Variants in IGF2BP2 observed in about 807,000 individuals in gnomAD.
IGF2BP2 encodes insulin like growth factor 2 mRNA binding protein 2.
Under a neutral mutation model 75.8 loss-of-function variants are expected in IGF2BP2, and 17 were observed. The ratio of observed to expected loss-of-function variants is 0.22; its 90% confidence interval spans 0.15 to 0.34. The LOEUF is 0.34. Among genes scored for constraint, IGF2BP2 ranks in the 10% least tolerant of loss-of-function variants. The pLI is 1.00. For synonymous variants in IGF2BP2, 288 were observed against 295.6 expected (o/e 0.97, Z 0.26); for missense variants, 516 against 772.4 (o/e 0.67, Z 3.93).
At chr3:185,798,795 C>CT (rs1191572296) in intron 2 of IGF2BP2, among the ~76,000 whole-genome samples, 114 of 68,870 alleles carry the variant, frequency 1.7e-3, no homozygotes, top group East Asian at 3.2e-3. Flanking sequence ...TTCTTTTTTT[C>CT]TTTTTTTTTT....
At chr3:185,667,561 C>CA (rs774241717) in intron 10 of IGF2BP2, among the ~76,000 whole-genome samples, 203 of 152,270 alleles carry the variant, frequency 1.3e-3, no homozygotes, top group Middle Eastern at 3.4e-3. Context: ...AGCATGACGT[C>CA]AAAGGTCAGA....
rs74394340 is a variant in IGF2BP2, at chr3:185,658,124, A to G, written c.1269+217T>C. Among the ~76,000 whole-genome samples, 1,465 of 152,290 alleles carry G rather than the reference A, an allele frequency of 9.6e-3. 15 individuals carry two copies. Among genetic ancestry groups the G allele is most frequent in the East Asian group, 0.049 (253 of 5,174 alleles). The stretch of plus-strand genomic sequence containing the variant: ...ACCTGTGAGGTGTGCGAGCATCCAC[A>G]GGTGCAACAGCAACGGCCTAGGCCT... On this transcript the variant is annotated intron_variant, in intron 11 of 15. Coordinates refer to ENST00000382199, the MANE Select transcript of IGF2BP2 (RefSeq NM_006548.6).
chr3:185,787,745 C>A (rs74832921), intron 2 of IGF2BP2, among the ~76,000 whole-genome samples: 1 of 149,060 alleles, frequency 6.7e-6, no homozygotes, highest in Non-Finnish European at 1.5e-5. Flanking sequence ...AAAAAAAAAA[C>A]AGTTTGCACG....
chr3:185,760,082 T>C (rs1396027150), intron 2 of IGF2BP2, among the ~76,000 whole-genome samples: 1 of 152,176 alleles, frequency 6.6e-6, no homozygotes, highest in Admixed American at 6.5e-5. Context: ...TGAAAAGCCA[T>C]TTCCTTATAC....
rs1432054328 is a variant in IGF2BP2, at chr3:185,645,295, T to TG, written c.*235dup. ...GGATGGCTGAAGCCTGCAGAAGCCC[T>TG]GGGGGGCGGGAGGCGGGGCTCGGTG... is the stretch of plus-strand genomic sequence containing the variant. On this transcript the variant is annotated 3_prime_UTR_variant, in exon 16 of 16. Transcript: ENST00000382199. This position sits in a 1 kb window ranked among gnomAD's most constrained non-coding sequence, Gnocchi z 4.9. 78 of 549,742 alleles carry TG rather than the reference T, an allele frequency of 1.4e-4. No individual in the cohort carries two copies. The East Asian group carries it at 2.2e-3, about 16-fold the overall frequency. The allele number at this position is 549,742 out of a possible 1,614,324, so 34.1% of individuals were successfully genotyped here.
At chr3:185,779,125 G>C (rs752604092) in intron 2 of IGF2BP2, among the ~76,000 whole-genome samples, 6 of 148,160 alleles carry the variant, frequency 4.0e-5, no homozygotes, top group Non-Finnish European at 1.5e-5. Context: ...AAAATACTTT[G>C]ATATGCTAAA....
intron 2 of IGF2BP2, among the ~76,000 whole-genome samples, chr3:185,758,374 G>A (rs1731913054): frequency 1.3e-5 from 2 of 152,182 alleles, no homozygotes; most frequent in Non-Finnish European, 2.9e-5. Context: ...GAAAACCTGG[G>A]TCTGACTGCT....
chr3:185,769,986 T>C lies in IGF2BP2; in HGVS notation c.239+53167A>G, dbSNP rs1392911516. Among the ~76,000 whole-genome samples the C allele has an allele frequency of 2.6e-5, 4 of 152,280 alleles. No homozygotes were observed. In the East Asian group the frequency reaches 5.8e-4, roughly 22 times the overall value. On this transcript the variant is annotated intron_variant, in intron 2 of 15. Coordinates refer to ENST00000382199, the MANE Select transcript of IGF2BP2 (RefSeq NM_006548.6). ...TCTCTAAAGAAGTGCCAACTGCCTA[T>C]AGCAGCAGCCACTGTATCCCTCTTC...
intron 2 of IGF2BP2, among the ~76,000 whole-genome samples, chr3:185,750,476 T>C (rs1331666043): frequency 6.6e-6 from 1 of 152,214 alleles, no homozygotes; most frequent in Non-Finnish European, 1.5e-5. Flanking sequence ...AAGACACACC[T>C]GAGTATCTAA....
At chr3:185,677,068 T>TATATAGAGAGAGAGAGAG in intron 7 of IGF2BP2, among the ~76,000 whole-genome samples, 15 of 35,860 alleles carry the variant, frequency 4.2e-4, no homozygotes, top group African/African-American at 1.3e-3. Flanking sequence ...TATATATATA[T>TATATAGAGAGAGAGAGAG]AGAGAGAGAG....
At chr3:185,790,616 GT>G (rs894615733) in intron 2 of IGF2BP2, among the ~76,000 whole-genome samples, 34 of 152,118 alleles carry the variant, frequency 2.2e-4, no homozygotes, top group African/African-American at 8.0e-4. Flanking sequence ...TCCTAAAATT[GT>G]TTTTTCCGTG....
intron 2 of IGF2BP2, among the ~76,000 whole-genome samples, chr3:185,767,263 G>A (rs1042258488): frequency 2.0e-5 from 3 of 152,146 alleles, no homozygotes; most frequent in African/African-American, 7.2e-5. Context: ...ATTCTTTTGT[G>A]CTTAATCTAG....
chr3:185,751,727 G>A (rs1287599895), intron 2 of IGF2BP2, among the ~76,000 whole-genome samples: 2 of 152,074 alleles, frequency 1.3e-5, no homozygotes, highest in Admixed American at 1.3e-4. Context: ...CACTTTGGGA[G>A]GCCGAGACGG....
rs1258159797 is a variant in IGF2BP2, at chr3:185,647,195, G to T, written c.1594-57C>A. 3 of 1,246,056 alleles carry T rather than the reference G, an allele frequency of 2.4e-6. No individual in the cohort carries two copies. The highest frequency in any genetic ancestry group is 3.6e-6 in the Non-Finnish European group (3 of 844,866). The allele number at this position is 1,246,056 out of a possible 1,614,324, so 77.2% of individuals were successfully genotyped here. ...AGGTTCCCTCCCCGTCAACGTGGTG[G>T]GCTCAGGACGGAGTGAGGGGCCAAG... is the stretch of plus-strand genomic sequence containing the variant. On this transcript the variant is annotated intron_variant, in intron 14 of 15. Transcript: ENST00000382199. The surrounding 1 kb of genome is among the most constrained non-coding windows in gnomAD (Gnocchi z 4.9).
At chr3:185,775,954 G>C (rs1734481770) in intron 2 of IGF2BP2, among the ~76,000 whole-genome samples, 1 of 152,218 alleles carries the variant, frequency 6.6e-6, no homozygotes, top group Non-Finnish European at 1.5e-5. Flanking sequence ...AAACAGCCTA[G>C]CAATAGGCAA....
chr3:185,777,368 G>C (rs573053053), intron 2 of IGF2BP2, among the ~76,000 whole-genome samples: 224 of 152,186 alleles, frequency 1.5e-3, no homozygotes, highest in African/African-American at 5.1e-3. Context: ...GCTAAGCATG[G>C]TGGCTCATGC....
intron 9 of IGF2BP2, 56 bp downstream of exon 9, chr3:185,675,240 G>A (rs1203057994): frequency 1.3e-6 from 2 of 1,563,364 alleles, no homozygotes; most frequent in Non-Finnish European, 1.7e-6. Context: ...TTAGCTGAAT[G>A]GCAAGTATTT....
intron 2 of IGF2BP2, among the ~76,000 whole-genome samples, chr3:185,742,088 G>A (rs1195941907): frequency 6.6e-6 from 1 of 151,630 alleles, no homozygotes; most frequent in African/African-American, 2.4e-5. Flanking sequence ...TTGGTAAAAT[G>A]TGCATATATT....
intron 9 of IGF2BP2, 74 bp from the exon 10 acceptor site, chr3:185,672,743 C>T (rs1414510904): frequency 4.5e-6 from 7 of 1,550,666 alleles, no homozygotes; most frequent in Non-Finnish European, 6.2e-6. Context: ...CAACCTCCCT[C>T]TCTTGTCTTA....
Sources: allele counts gnomAD v4.1 joint callset (sites outside exome capture counted in the v4.1 genomes callset), GRCh38; gene constraint gnomAD v4.1.1; non-coding constraint Gnocchi (gnomAD v3.1); transcripts MANE v1.5; gene names NCBI Gene and HGNC (gene_info 2026-07-23, HGNC 2026-07-21).